The following CPED1 variants were observed in gnomAD, a reference collection of about 807,000 sequenced individuals.
CPED1 encodes the protein cadherin like and PC-esterase domain containing 1.
Under a neutral mutation model 128.2 loss-of-function variants are expected in CPED1, and 114 were observed. That is an observed-to-expected ratio of 0.89 (90% CI 0.76 to 1.04). The LOEUF is 1.04. CPED1 is among the 50% of genes least tolerant of loss of function. The pLI is 0.00. For missense variants in CPED1, 1,211 were observed against 1,207.1 expected (o/e 1.00, Z -0.05); for synonymous variants, 462 against 426.7 (o/e 1.08, Z -1.02).
At chr7:121,245,196 A>C (rs2116691190) in intron 18 of CPED1, among the ~76,000 whole-genome samples, 1 of 152,318 alleles carries the variant, frequency 6.6e-6, no homozygotes, top group Admixed American at 6.5e-5. Flanking sequence ...ATAGTTAAAG[A>C]AGAATAACAG....
intron 4 of CPED1, among the ~76,000 whole-genome samples, chr7:121,049,741 A>T (rs776585144): frequency 3.3e-5 from 5 of 152,022 alleles, no homozygotes; most frequent in African/African-American, 4.8e-5. Flanking sequence ...ACATACCTTT[A>T]TTCTTACTGT....
At chr7:121,046,686 A>G (rs1051847831) in intron 3 of CPED1, among the ~76,000 whole-genome samples, 26 of 152,160 alleles carry the variant, frequency 1.7e-4, no homozygotes, top group African/African-American at 6.3e-4. Context: ...ATAAAATACT[A>G]AATATAAAAA....
chr7:121,040,539 C>A (rs1306468276), intron 3 of CPED1, among the ~76,000 whole-genome samples: 4 of 151,964 alleles, frequency 2.6e-5, no homozygotes, highest in Admixed American at 2.0e-4. Context: ...CAAGTATAGA[C>A]CCTAATTTAT....
At chr7:121,164,659 G>A (rs1454275146) in intron 16 of CPED1, among the ~76,000 whole-genome samples, 1 of 152,082 alleles carries the variant, frequency 6.6e-6, no homozygotes, top group Admixed American at 6.6e-5. Context: ...CTAAGCTGAT[G>A]CCTTTTCTTT....
At chr7:121,093,730 T>C (rs1255415458) in intron 5 of CPED1, among the ~76,000 whole-genome samples, 3 of 152,172 alleles carry the variant, frequency 2.0e-5, no homozygotes, top group East Asian at 1.9e-4. Context: ...AGCCATAGTC[T>C]TCTTAATGGC....
In CPED1 at chr7:121,048,511, T is replaced by G. The variant is rs150742608; in HGVS notation, c.540+1518T>G. On this transcript the variant is annotated intron_variant, in intron 4 of 22. Coordinates refer to ENST00000310396, the MANE Select transcript of CPED1 (RefSeq NM_024913.5). ...ATTGCCAATACTACTGAATTTAACCTCTTAACGTTTTTTTTTCTTCTGTTC... is the reference window on the plus strand; with the variant it reads ...ATTGCCAATACTACTGAATTTAACCGCTTAACGTTTTTTTTTCTTCTGTTC... Among the ~76,000 whole-genome samples the G allele has an allele frequency of 4.9e-3, 741 of 152,044 alleles. 8 individuals are homozygous for G. Among genetic ancestry groups the G allele is most frequent in the African/African-American group, 0.017 (706 of 41,358 alleles).
intron 5 of CPED1, among the ~76,000 whole-genome samples, chr7:121,094,080 A>G (rs1244112871): frequency 6.6e-6 from 1 of 152,182 alleles, no homozygotes; most frequent in Non-Finnish European, 1.5e-5. Context: ...GCTAAGTTCT[A>G]AGACTTATCA....
chr7:121,153,411 G>A (rs898307199), intron 16 of CPED1, among the ~76,000 whole-genome samples: 3 of 152,006 alleles, frequency 2.0e-5, no homozygotes, highest in Non-Finnish European at 4.4e-5. Flanking sequence ...ACATCTTCAC[G>A]GATTAGAGAA....
chr7:121,143,184 T>C (rs1200848861), intron 16 of CPED1, among the ~76,000 whole-genome samples: 1 of 152,008 alleles, frequency 6.6e-6, no homozygotes, highest in Non-Finnish European at 1.5e-5. Context: ...AAGACAAATA[T>C]GTTATTCTCA....
chr7:121,085,413 CTTCT>C (rs1378755523), intron 5 of CPED1, among the ~76,000 whole-genome samples: 2 of 152,234 alleles, frequency 1.3e-5, no homozygotes, highest in East Asian at 1.9e-4. Context: ...AGGCAAAATC[CTTCT>C]TTATTATTTT....
At chr7:121,190,705 A>T (rs987731999) in intron 16 of CPED1, among the ~76,000 whole-genome samples, 6 of 152,096 alleles carry the variant, frequency 3.9e-5, no homozygotes, top group Non-Finnish European at 8.8e-5. Context: ...AAATACTTTT[A>T]TTTTATCTAC....
intron 19 of CPED1, 85 bp from the exon 20 acceptor site, chr7:121,266,622 A>G (rs1661010688): frequency 8.3e-7 from 1 of 1,208,004 alleles, no homozygotes; most frequent in African/African-American, 1.5e-5. Context: ...AAGATGCCAG[A>G]TACAGTGAAA....
At chr7:121,280,687 G>T (rs2116771750) in intron 22 of CPED1, among the ~76,000 whole-genome samples, 1 of 152,302 alleles carries the variant, frequency 6.6e-6, no homozygotes, top group African/African-American at 2.4e-5. Context: ...TGGGGGCAAA[G>T]GGATGAAATG....
chr7:121,020,105 T>G (rs1792400409), intron 3 of CPED1, among the ~76,000 whole-genome samples: 1 of 152,032 alleles, frequency 6.6e-6, no homozygotes, highest in African/African-American at 2.4e-5. Flanking sequence ...GATATACAAA[T>G]AAACAAATTA....
intron 5 of CPED1, among the ~76,000 whole-genome samples, chr7:121,070,016 T>C (rs1237890464): frequency 7.2e-5 from 11 of 152,078 alleles, no homozygotes; most frequent in Non-Finnish European, 1.5e-4. Context: ...GATAGCATTT[T>C]GAACATTTTA....
intron 22 of CPED1, among the ~76,000 whole-genome samples, chr7:121,284,627 G>A (rs1051833598): frequency 2.0e-5 from 3 of 152,172 alleles, no homozygotes; most frequent in Non-Finnish European, 4.4e-5. Flanking sequence ...AGGGGCTAGA[G>A]GCCCCATTCA....
intron 5 of CPED1, among the ~76,000 whole-genome samples, chr7:121,078,498 G>GAAAAAAAAAAAAA (rs529856618): frequency 2.9e-5 from 3 of 101,928 alleles, no homozygotes; most frequent in African/African-American, 8.5e-5. Flanking sequence ...AAGAAAGAAA[G>GAAAAAAAAAAAAA]AAAAAAAAAA....
intron 16 of CPED1, among the ~76,000 whole-genome samples, chr7:121,208,007 C>T (rs539165155): frequency 6.6e-6 from 1 of 152,098 alleles, no homozygotes; most frequent in South Asian, 2.1e-4. Flanking sequence ...TAAACAATTA[C>T]AATAGCCTCC....
chr7:121,057,523 A>T (rs1793533147), intron 4 of CPED1, among the ~76,000 whole-genome samples: 1 of 152,210 alleles, frequency 6.6e-6, no homozygotes, highest in Non-Finnish European at 1.5e-5. Flanking sequence ...AAGTGAGAAC[A>T]TGCAGTATTT....
Sources: gnomAD v4.1 joint callset for allele counts (sites outside exome capture counted in the v4.1 genomes callset) on GRCh38, gnomAD v4.1.1 for gene constraint, MANE v1.5 for transcripts, NCBI Gene and HGNC (gene_info 2026-07-23, HGNC 2026-07-21) for gene names.